Variants in USP14 observed in about 807,000 individuals in gnomAD.
USP14 encodes the protein ubiquitin carboxyl-terminal hydrolase 14.
USP14 carries 38 observed loss-of-function variants against 76.5 expected under a neutral mutation model. The observed-to-expected ratio is 0.50, with a 90% CI of 0.38 to 0.65. The LOEUF (loss-of-function observed/expected upper bound fraction) is 0.65, where lower values mean the gene tolerates loss of function less well. USP14 is among the 30% of genes least tolerant of loss of function. The pLI is 0.00. For synonymous variants in USP14, 192 were observed against 191.7 expected (o/e 1.00, Z -0.01); for missense variants, 467 against 586.5 (o/e 0.80, Z 2.10).
intron 3 of USP14, among the ~76,000 whole-genome samples, chr18:173,298 A>G (rs1178485045): frequency 1.3e-5 from 2 of 150,048 alleles, no homozygotes; most frequent in Non-Finnish European, 3.0e-5. Context: ...TTTTTAGTAG[A>G]GACGGGGTTT....
intron 13 of USP14, among the ~76,000 whole-genome samples, chr18:207,758 T>C (rs934080819): frequency 1.3e-5 from 2 of 152,250 alleles, no homozygotes; most frequent in Admixed American, 6.5e-5. Flanking sequence ...ATTTTTTTCA[T>C]AATGTTTTAT....
rs144043673 is a variant in USP14, at chr18:213,507, G to A, written c.*2223G>A. 2 of 151,960 alleles carry A rather than the reference G, an allele frequency of 1.3e-5. No homozygotes were observed. Among genetic ancestry groups the A allele is most frequent in the East Asian group, 3.9e-4 (2 of 5,158 alleles). 9.4% of individuals were successfully genotyped at this position (151,960 alleles called of 1,614,324 possible). On this transcript the variant is annotated 3_prime_UTR_variant, in exon 16 of 16. Transcript: ENST00000261601. The stretch of plus-strand genomic sequence containing the variant: ...TGCCTGTAAGGTCTTTGAGAAGGGA[G>A]AGGAGTAGGCCAAAAAAAAAAAAGT...
In USP14 at chr18:207,539, C is replaced by T. The variant is rs971143846; in HGVS notation, c.1165-2432C>T. Among the ~76,000 whole-genome samples the T allele has an allele frequency of 2.8e-5, 4 of 144,114 alleles. 1 individual carries two copies. Among genetic ancestry groups the T allele is most frequent in the Non-Finnish European group, 6.3e-5 (4 of 63,582 alleles). 94.5% of individuals were successfully genotyped at this position (144,114 alleles called of 152,430 possible). A position where few individuals can be genotyped will look rare whatever the true frequency, so the allele number is the denominator to read the frequency against. ...ACAAAAAATACAGAAATTAGCCAGGCGTGGTGGCGTGTGCCTGTAGTCCCA... is the reference window on the plus strand; with the variant it reads ...ACAAAAAATACAGAAATTAGCCAGGTGTGGTGGCGTGTGCCTGTAGTCCCA... On this transcript the variant is annotated intron_variant, in intron 13 of 15. Coordinates refer to ENST00000261601, the MANE Select transcript of USP14 (RefSeq NM_005151.4).
chr18:163,816 A>G (rs1432697477), intron 2 of USP14, among the ~76,000 whole-genome samples: 2 of 134,008 alleles, frequency 1.5e-5, no homozygotes, highest in African/African-American at 2.8e-5. Flanking sequence ...CCCGATAGGT[A>G]GTTTTTTTTT....
rs1910666692 is a variant in USP14 at position 211,423 on chromosome 18, C to G, written c.*139C>G. ...TGGAACAAAAGAGGACAGAAGCAGA[C>G]CACTCTGTGCACCAACCTAAAAAAT... On this transcript the variant is annotated 3_prime_UTR_variant, in exon 16 of 16. Transcript: ENST00000261601. 1.2e-6 allele frequency: 1 copy of G among 841,740 alleles called. No individual in the cohort carries two copies. Among genetic ancestry groups the G allele is most frequent in the South Asian group, 2.2e-5 (1 of 45,006 alleles). The allele number at this position is 841,740 out of a possible 1,614,324, so 52.1% of individuals were successfully genotyped here. A position where few individuals can be genotyped will look rare whatever the true frequency, so the allele number is the denominator to read the frequency against.
chr18:198,508 C>T (rs1276275903), intron 9 of USP14, among the ~76,000 whole-genome samples: 6 of 151,990 alleles, frequency 3.9e-5, no homozygotes, highest in African/African-American at 1.2e-4. Context: ...TGTGAGCCAC[C>T]GCGCCCAGCC....
chr18:163,576 G>A, intron 2 of USP14, 123 bp downstream of exon 2: 1 of 1,101,442 alleles, frequency 9.1e-7, no homozygotes, highest in South Asian at 1.8e-5. Context: ...ATGAGAGTAT[G>A]TCAGCTATGG....
intron 14 of USP14, 28 bp downstream of exon 14, chr18:210,059 T>C (rs776965296): frequency 6.5e-7 from 1 of 1,535,138 alleles, no homozygotes; most frequent in Non-Finnish European, 8.9e-7. Context: ...TTTAATTGAG[T>C]TATTGTATGT....
At chr18:185,219 G>A (rs1348930664) in intron 5 of USP14, among the ~76,000 whole-genome samples, 1 of 152,048 alleles carries the variant, frequency 6.6e-6, no homozygotes, top group East Asian at 1.9e-4. Context: ...CAGTGCAGTG[G>A]TGCGATCTCA....
At chr18:161,049 T>G (rs545292000) in intron 1 of USP14, among the ~76,000 whole-genome samples, 5 of 152,310 alleles carry the variant, frequency 3.3e-5, no homozygotes, top group African/African-American at 1.2e-4. Flanking sequence ...TGCCTCAGTC[T>G]CGCGAGTAGC....
At chr18:166,693 TTC>T in intron 2 of USP14, 92 bp from the exon 3 acceptor site, 1 of 1,396,222 alleles carries the variant, frequency 7.2e-7, no homozygotes, top group Non-Finnish European at 9.7e-7. Context: ...ATAAATTTTA[TTC>T]TGTTTTGAAG....
chr18:166,928 A>G (rs968923534), intron 3 of USP14, 109 bp downstream of exon 3: 26 of 927,900 alleles, frequency 2.8e-5, no homozygotes, highest in Non-Finnish European at 3.9e-5. Flanking sequence ...TTCCAGCACT[A>G]TCTGTTGAAA....
chr18:196,758 TC>T lies in USP14; in HGVS notation c.586del (p.Leu196PhefsTer12). The T allele has an allele frequency of 2.5e-6, 4 of 1,613,560 alleles. No individual in the cohort carries two copies. Among genetic ancestry groups the T allele is most frequent in the Non-Finnish European group, 3.4e-6 (4 of 1,179,870 alleles). ...CCGAGAAAGGTGAACAAGGACAGTA[TC>T]TTCAACAGGTAATTAGGGCAAGGTA... Reference protein sequence around the residue: ...FAEKGEQGQYLQQDANECWIQ... With the variant: ...FAEKGEQGQYXQQDANECWIQ... On this transcript the variant is annotated frameshift_variant, in exon 7 of 16. Coordinates refer to ENST00000261601, the MANE Select transcript of USP14 (RefSeq NM_005151.4). LOFTEE classifies it high-confidence loss of function.
At chr18:167,547 G>A (rs536768615) in intron 3 of USP14, among the ~76,000 whole-genome samples, 17 of 151,610 alleles carry the variant, frequency 1.1e-4, no homozygotes, top group East Asian at 5.9e-4. Flanking sequence ...TCACTCTCAC[G>A]TATGCCGGAG....
At chr18:183,262 A>G (rs774108982) in intron 5 of USP14, among the ~76,000 whole-genome samples, 7 of 150,934 alleles carry the variant, frequency 4.6e-5, no homozygotes, top group Non-Finnish European at 7.4e-5. Context: ...TACTGATGAG[A>G]GGTCTGATAT....
intron 3 of USP14, among the ~76,000 whole-genome samples, chr18:175,140 T>C (rs511573): frequency 0.19 from 28,409 of 152,220 alleles, 2,841 homozygotes; most frequent in Non-Finnish European, 0.23. Flanking sequence ...ATTTTTATAA[T>C]TGACTTTGTA....
chr18:163,580 G>C (rs1388869785), intron 2 of USP14, 127 bp downstream of exon 2: 1 of 1,086,432 alleles, frequency 9.2e-7, no homozygotes, highest in Non-Finnish European at 1.3e-6. Context: ...GAGTATGTCA[G>C]CTATGGTGTT....
In USP14 at chr18:210,366, G is replaced by A. The variant is rs1454025671; in HGVS notation, c.1226-20G>A. Reference sequence around the variant, plus strand: ...TGTCTATTCATTGTCTAATATTAATGGATTTACATCTTTCTTTAGATATTG... The same window carrying A: ...TGTCTATTCATTGTCTAATATTAATAGATTTACATCTTTCTTTAGATATTG... On this transcript the variant is annotated intron_variant, in intron 14 of 15. Coordinates refer to ENST00000261601, the MANE Select transcript of USP14 (RefSeq NM_005151.4). The A allele has an allele frequency of 1.3e-6, 2 of 1,533,800 alleles. No individual in the cohort carries two copies. The highest frequency in any genetic ancestry group is 1.8e-6 in the Non-Finnish European group (2 of 1,122,048).
rs1910673927 is a variant in USP14 at position 211,719 on chromosome 18, TAACA to T, written c.*440_*443del. On this transcript the variant is annotated 3_prime_UTR_variant, in exon 16 of 16. Transcript: ENST00000261601. ...GTAGCCACCCATCCTTTGCCTTATC[TAACA>T]AACATTTTTCCAGGAAGGTGGAAAA... The T allele has an allele frequency of 6.5e-6, 1 of 153,046 alleles. No homozygotes were observed. Among genetic ancestry groups the T allele is most frequent in the African/African-American group, 2.4e-5 (1 of 41,456 alleles). 9.5% of individuals were successfully genotyped at this position (153,046 alleles called of 1,614,324 possible). A position where few individuals can be genotyped will look rare whatever the true frequency, so the allele number is the denominator to read the frequency against.
Sources: allele counts gnomAD v4.1 joint callset (sites outside exome capture counted in the v4.1 genomes callset), GRCh38; gene constraint gnomAD v4.1.1; transcripts MANE v1.5; gene names NCBI Gene and HGNC (gene_info 2026-07-23, HGNC 2026-07-21).